Variants in SDC2 observed in about 807,000 individuals in gnomAD.
SDC2 encodes the protein syndecan-2.
A neutral mutation model predicts 22.2 loss-of-function variants in SDC2; 13 were observed. That is an observed-to-expected ratio of 0.59 (90% CI 0.38 to 0.93). SDC2 has a LOEUF of 0.93. SDC2 is among the 40% of genes least tolerant of loss of function. SDC2 has a pLI of 0.00. For synonymous variants in SDC2, 94 were observed against 92.8 expected (o/e 1.01, Z -0.07); for missense variants, 235 against 246.8 (o/e 0.95, Z 0.32).
chr8:96,533,857 C>T (rs1319634662), intron 1 of SDC2, among the ~76,000 whole-genome samples: 1 of 152,242 alleles, frequency 6.6e-6, no homozygotes, highest in Non-Finnish European at 1.5e-5. Context: ...ACTCCTCAGC[C>T]CTTGGGCAGT....
chr8:96,534,239 G>A (rs983061444), intron 1 of SDC2, among the ~76,000 whole-genome samples: 30 of 152,198 alleles, frequency 2.0e-4, no homozygotes, highest in Admixed American at 4.6e-4. Context: ...GCCTCGGCTA[G>A]CCCAGAAGGG....
intron 1 of SDC2, among the ~76,000 whole-genome samples, chr8:96,496,238 T>C (rs892105823): frequency 6.6e-6 from 1 of 152,220 alleles, no homozygotes; most frequent in Non-Finnish European, 1.5e-5. Flanking sequence ...TTAAGGAAGT[T>C]TTTTGGCCGA....
chr8:96,600,805 G>A (rs1814968924), intron 2 of SDC2, among the ~76,000 whole-genome samples: 2 of 152,224 alleles, frequency 1.3e-5, no homozygotes. Flanking sequence ...GTTCAGAGGT[G>A]TGTTGTACCT....
intron 1 of SDC2, among the ~76,000 whole-genome samples, chr8:96,552,126 A>G (rs1423395393): frequency 6.6e-6 from 1 of 152,206 alleles, no homozygotes; most frequent in Non-Finnish European, 1.5e-5. Flanking sequence ...CTCTTTTCTC[A>G]CGAGGCTTGG....
At chr8:96,573,430 C>T (rs1447445225) in intron 1 of SDC2, among the ~76,000 whole-genome samples, 1 of 74,042 alleles carries the variant, frequency 1.4e-5, no homozygotes, top group East Asian at 3.0e-4. Flanking sequence ...TCAGGTTCCA[C>T]CGTTGCAAAA....
At chr8:96,533,378 G>T (rs1813698512) in intron 1 of SDC2, among the ~76,000 whole-genome samples, 1 of 152,188 alleles carries the variant, frequency 6.6e-6, no homozygotes, top group African/African-American at 2.4e-5. Context: ...TTTTGACAGG[G>T]TGCTGATTGG....
chr8:96,528,968 G>C (rs1813620315), intron 1 of SDC2, among the ~76,000 whole-genome samples: 1 of 152,190 alleles, frequency 6.6e-6, no homozygotes, highest in South Asian at 2.1e-4. Context: ...CTGTGAAATG[G>C]GAGGGTTGGG....
intron 2 of SDC2, among the ~76,000 whole-genome samples, chr8:96,594,681 T>C (rs573778486): frequency 6.6e-6 from 1 of 152,306 alleles, no homozygotes; most frequent in East Asian, 1.9e-4. Context: ...CCTGTATGAG[T>C]TCATTCTCAC....
chr8:96,513,200 C>T (rs1347831144), intron 1 of SDC2, among the ~76,000 whole-genome samples: 6 of 152,258 alleles, frequency 3.9e-5, no homozygotes, highest in Middle Eastern at 3.4e-3. Flanking sequence ...CCAAGGTTCT[C>T]AACTGCTTAT....
Position 96,519,960 on chromosome 8 carries a change from A to G in SDC2, c.60+25629A>G, listed in dbSNP as rs529439590. Among the ~76,000 whole-genome samples, 27 of 152,300 alleles carry G rather than the reference A, an allele frequency of 1.8e-4. No homozygotes were observed. The East Asian group carries it at 3.5e-3, about 20-fold the overall frequency. ...TAGTAGTATAAAATTGATGATATCA[A>G]CAAGTTGATAGCTTCTCATAATTTA... On this transcript the variant is annotated intron_variant, in intron 1 of 4. Transcript: ENST00000302190.
intron 1 of SDC2, among the ~76,000 whole-genome samples, chr8:96,576,374 G>GTTTTTTTTTTTTTTTTTTTTTT (rs1225034584): frequency 2.0e-4 from 8 of 40,628 alleles, no homozygotes; most frequent in African/African-American, 5.2e-4. Flanking sequence ...GTTTGTTTTT[G>GTTTTTTTTTTTTTTTTTTTTTT]TTTTGTTTTG....
At chr8:96,569,926 A>C (rs914981432) in intron 1 of SDC2, among the ~76,000 whole-genome samples, 1 of 152,160 alleles carries the variant, frequency 6.6e-6, no homozygotes, top group African/African-American at 2.4e-5. Flanking sequence ...AGGAGTCCTG[A>C]CATTGTATGT....
chr8:96,594,573 A>T (rs2582797), intron 2 of SDC2, among the ~76,000 whole-genome samples: 30,028 of 152,146 alleles, frequency 0.2, 3,491 homozygotes, highest in South Asian at 0.36. Flanking sequence ...ATAAAGTCAC[A>T]TTTACAGAGG....
At chr8:96,605,773 C>G (rs1815068306) in intron 3 of SDC2, among the ~76,000 whole-genome samples, 1 of 152,222 alleles carries the variant, frequency 6.6e-6, no homozygotes, top group Non-Finnish European at 1.5e-5. Flanking sequence ...CTCACTGAGA[C>G]AGGGACCTAT....
intron 1 of SDC2, among the ~76,000 whole-genome samples, chr8:96,501,682 C>G (rs1057098189): frequency 2.6e-5 from 4 of 152,006 alleles, no homozygotes; most frequent in Non-Finnish European, 5.9e-5. Context: ...CATTTTAAGT[C>G]AAGGCAAAAG....
At chr8:96,585,794 T>C (rs947823546) in intron 1 of SDC2, among the ~76,000 whole-genome samples, 1 of 152,084 alleles carries the variant, frequency 6.6e-6, no homozygotes, top group African/African-American at 2.4e-5. Context: ...GAAAATGATA[T>C]TGATTATATT....
Position 96,608,335 on chromosome 8 carries a change from T to A in SDC2, c.307T>A (p.Ser103Thr). The change falls in exon 4 of 5, where the codon TCA (serine) becomes ACA (threonine). Residue 103 changes from serine to threonine, a missense_variant and splice_region_variant. Physicochemically the swap from Ser to Thr is moderately conservative, Grantham distance 58 (BLOSUM62 1). Coordinates refer to ENST00000302190, the MANE Select transcript of SDC2 (RefSeq NM_002998.4). ...AATCTTTCCCTGTTTCCCATACCAG[T>A]CACCTGAAGAAACTGATAAAGAGAA... ...IQNKIPAQTK[S>T]PEETDKEKVH... The A allele has an allele frequency of 6.2e-7, 1 of 1,612,174 alleles. No homozygotes were observed. The highest frequency in any genetic ancestry group is 1.1e-5 in the South Asian group (1 of 90,514).
intron 1 of SDC2, among the ~76,000 whole-genome samples, chr8:96,571,120 A>C (rs184652213): frequency 4.6e-5 from 7 of 152,368 alleles, no homozygotes; most frequent in Admixed American, 4.6e-4. Context: ...CTTTTAAAAA[A>C]TGTGACTACT....
chr8:96,608,493 G>A, intron 4 of SDC2, 23 bp downstream of exon 4: 1 of 1,601,166 alleles, frequency 6.2e-7, no homozygotes, highest in African/African-American at 1.3e-5. Flanking sequence ...GTGGGCCTCA[G>A]GTGGGAGGGT....
Sources: allele counts gnomAD v4.1 joint callset (sites outside exome capture counted in the v4.1 genomes callset), GRCh38; gene constraint gnomAD v4.1.1; transcripts MANE v1.5; gene names NCBI Gene and HGNC (gene_info 2026-07-23, HGNC 2026-07-21).